Variants in TRABD2B observed in about 807,000 individuals in gnomAD.
TRABD2B encodes metalloprotease TIKI2.
Under a neutral mutation model 40.1 loss-of-function variants are expected in TRABD2B, and 14 were observed. The observed-to-expected ratio is 0.35, with a 90% CI of 0.23 to 0.55. The LOEUF (loss-of-function observed/expected upper bound fraction) is 0.55. Ranked by LOEUF, TRABD2B falls within the 20% of genes least tolerant of loss-of-function variation. TRABD2B has a pLI of 0.90. For synonymous variants in TRABD2B, 263 were observed against 277.0 expected (o/e 0.95, Z 0.50); for missense variants, 541 against 648.6 (o/e 0.83, Z 1.80).
intron 2 of TRABD2B, among the ~76,000 whole-genome samples, chr1:47,977,030 A>C (rs1046580305): frequency 6.7e-6 from 1 of 149,894 alleles, no homozygotes; most frequent in Non-Finnish European, 1.5e-5. Flanking sequence ...ATATGTGTGG[A>C]TGGTGTATTT....
chr1:47,966,696 G>C (rs1016400462), intron 2 of TRABD2B, among the ~76,000 whole-genome samples: 12 of 152,230 alleles, frequency 7.9e-5, no homozygotes, highest in Admixed American at 7.2e-4. Flanking sequence ...CTTGAGGTCA[G>C]GAGTTTGAGA....
At chr1:47,900,459 T>C (rs1644585194) in intron 2 of TRABD2B, among the ~76,000 whole-genome samples, 1 of 152,190 alleles carries the variant, frequency 6.6e-6, no homozygotes, top group East Asian at 1.9e-4. Context: ...ATAATTATCT[T>C]ATCCTTAATA....
Position 47,978,139 on chromosome 1 carries a change from G to A in TRABD2B, c.666+15895C>T, listed in dbSNP as rs1645785749. Among the ~76,000 whole-genome samples the A allele has an allele frequency of 4.6e-5, 7 of 152,280 alleles. No homozygotes were observed. The South Asian group carries it at 1.5e-3, about 32-fold the overall frequency. On this transcript the variant is annotated intron_variant, in intron 2 of 6. Coordinates refer to ENST00000606738, the MANE Select transcript of TRABD2B (RefSeq NM_001194986.2). Reference sequence around the variant, plus strand: ...ATTTGGGGAGGTCATTAGGTCTTGAGAGCGGAGCCCACATGAATAGTATTA... The same window carrying A: ...ATTTGGGGAGGTCATTAGGTCTTGAAAGCGGAGCCCACATGAATAGTATTA...
Position 47,898,195 on chromosome 1 carries a change from G to A in TRABD2B, c.666+95839C>T, listed in dbSNP as rs947536923. Among the ~76,000 whole-genome samples the A allele has an allele frequency of 2.6e-5, 4 of 152,326 alleles. No individual in the cohort carries two copies. The South Asian group carries it at 6.2e-4, about 24-fold the overall frequency. ...TGTGGAGGAGGCAACTTGTCAAGCA[G>A]GGGCTACGAAGGCTGGAACCCTGAG... is the stretch of plus-strand genomic sequence containing the variant. On this transcript the variant is annotated intron_variant, in intron 2 of 6. Coordinates refer to ENST00000606738, the MANE Select transcript of TRABD2B (RefSeq NM_001194986.2).
intron 2 of TRABD2B, among the ~76,000 whole-genome samples, chr1:47,914,822 C>T (rs950270182): frequency 6.6e-6 from 1 of 152,208 alleles, no homozygotes; most frequent in East Asian, 1.9e-4. Flanking sequence ...GCAGAGCTTA[C>T]CTGAGCCCTT....
intron 2 of TRABD2B, among the ~76,000 whole-genome samples, chr1:47,802,223 G>A (rs1240103785): frequency 1.3e-5 from 2 of 151,754 alleles, no homozygotes; most frequent in Non-Finnish European, 2.9e-5. Context: ...TGGGCATCAG[G>A]ATCACTGTGG....
At chr1:47,975,469 G>T (rs1645742542) in intron 2 of TRABD2B, among the ~76,000 whole-genome samples, 1 of 152,198 alleles carries the variant, frequency 6.6e-6, no homozygotes, top group Admixed American at 6.5e-5. Context: ...CATACCATTT[G>T]CATCATTACT....
intron 2 of TRABD2B, among the ~76,000 whole-genome samples, chr1:47,842,333 G>A (rs1645410387): frequency 6.6e-6 from 1 of 152,142 alleles, no homozygotes; most frequent in South Asian, 2.1e-4. Context: ...CACCCCCAGG[G>A]CTCAGGGGAT....
Position 47,973,832 on chromosome 1 carries a change from G to A in TRABD2B, c.666+20202C>T, listed in dbSNP as rs539357240. Among the ~76,000 whole-genome samples, 14 of 152,284 alleles carry A rather than the reference G, an allele frequency of 9.2e-5. No homozygotes were observed. The South Asian group carries it at 2.5e-3, about 27-fold the overall frequency. On this transcript the variant is annotated intron_variant, in intron 2 of 6. Coordinates refer to ENST00000606738, the MANE Select transcript of TRABD2B (RefSeq NM_001194986.2). Reference sequence around the variant, plus strand: ...TTAAAAATTTAATTAGGCCGGGGCCGGTGACTCACACCTATAATCCCAGCA... The same window carrying A: ...TTAAAAATTTAATTAGGCCGGGGCCAGTGACTCACACCTATAATCCCAGCA...
intron 2 of TRABD2B, among the ~76,000 whole-genome samples, chr1:47,859,646 C>T (rs1465328319): frequency 1.3e-5 from 2 of 152,318 alleles, no homozygotes; most frequent in African/African-American, 4.8e-5. Flanking sequence ...TGCTGCTCAT[C>T]GTGGTGGAAG....
At chr1:47,989,558 C>T (rs1645969926) in intron 2 of TRABD2B, among the ~76,000 whole-genome samples, 1 of 152,118 alleles carries the variant, frequency 6.6e-6, no homozygotes, top group African/African-American at 2.4e-5. Flanking sequence ...GTGTGTATGT[C>T]TTCACAGCAG....
intron 2 of TRABD2B, among the ~76,000 whole-genome samples, chr1:47,842,756 AAACT>A (rs1274455722): frequency 6.6e-6 from 1 of 152,220 alleles, no homozygotes; most frequent in African/African-American, 2.4e-5. Context: ...GCAGTGAACA[AAACT>A]AACTCTCTAA....
At chr1:47,855,514 G>A (rs904126128) in intron 2 of TRABD2B, among the ~76,000 whole-genome samples, 4 of 152,174 alleles carry the variant, frequency 2.6e-5, no homozygotes, top group Admixed American at 6.5e-5. Flanking sequence ...CTTTTTAACC[G>A]GATATTATCT....
chr1:47,898,278 C>T (rs1310292027), intron 2 of TRABD2B, among the ~76,000 whole-genome samples: 1 of 152,178 alleles, frequency 6.6e-6, no homozygotes, highest in East Asian at 1.9e-4. Flanking sequence ...GGCCTCCGCC[C>T]CAATCTTTGA....
intron 2 of TRABD2B, among the ~76,000 whole-genome samples, chr1:47,854,021 C>T (rs192247567): frequency 9.8e-5 from 15 of 152,318 alleles, no homozygotes; most frequent in South Asian, 8.3e-4. Context: ...TCCCACTAGC[C>T]TCATTCTGGC....
At chr1:47,880,408 A>G (rs1001436006) in intron 2 of TRABD2B, among the ~76,000 whole-genome samples, 1 of 152,234 alleles carries the variant, frequency 6.6e-6, no homozygotes. Flanking sequence ...TTTTGGGTGA[A>G]GGTTTTTATT....
chr1:47,917,661 G>C (rs1020031356), intron 2 of TRABD2B, among the ~76,000 whole-genome samples: 2 of 152,146 alleles, frequency 1.3e-5, no homozygotes, highest in African/African-American at 4.8e-5. Flanking sequence ...TTGAGTCCAG[G>C]AGTTTGAGGC....
At chr1:47,945,733 G>C (rs1030593987) in intron 2 of TRABD2B, among the ~76,000 whole-genome samples, 1 of 152,170 alleles carries the variant, frequency 6.6e-6, no homozygotes, top group Non-Finnish European at 1.5e-5. Flanking sequence ...GCCTGTATCA[G>C]TAGTTTTTTT....
intron 2 of TRABD2B, among the ~76,000 whole-genome samples, chr1:47,886,885 T>A (rs1644378314): frequency 6.6e-6 from 1 of 152,158 alleles, no homozygotes; most frequent in South Asian, 2.1e-4. Flanking sequence ...AATGTGTCCC[T>A]GGCCCCCTGC....
Sources: allele counts gnomAD v4.1 joint callset (sites outside exome capture counted in the v4.1 genomes callset), GRCh38; gene constraint gnomAD v4.1.1; transcripts MANE v1.5; gene names NCBI Gene and HGNC (gene_info 2026-07-23, HGNC 2026-07-21).